Variants in PFDN2 observed in about 807,000 individuals in gnomAD.
PFDN2 encodes the protein prefoldin 2.
Under a neutral mutation model 18.3 loss-of-function variants are expected in PFDN2, and 7 were observed. The observed-to-expected ratio is 0.38, with a 90% CI of 0.22 to 0.72. PFDN2 has a LOEUF of 0.72. Among genes scored for constraint, PFDN2 ranks in the 30% least tolerant of loss-of-function variants. The pLI, the probability that PFDN2 is intolerant of heterozygous loss-of-function variation, is 0.47. For missense variants in PFDN2, 181 were observed against 199.1 expected, an observed-to-expected ratio of 0.91 and a Z score of 0.55; for synonymous variants, 76 against 75.0, an observed-to-expected ratio of 1.01 and a Z score of -0.07.
chr1:161,109,294 T>G (rs377242692), intron 1 of PFDN2, among the ~76,000 whole-genome samples: 14 of 152,354 alleles, frequency 9.2e-5, no homozygotes, highest in Middle Eastern at 6.8e-3. Flanking sequence ...GGTTTCAACT[T>G]AGATTCTTCT....
intron 1 of PFDN2, among the ~76,000 whole-genome samples, chr1:161,107,424 C>CA (rs34132641): frequency 0.018 from 1,186 of 67,694 alleles, 15 homozygotes; most frequent in Non-Finnish European, 0.021. Context: ...GACTCTGTCT[C>CA]AAAAAAAAAA....
chr1:161,104,537 T>C (rs959572796), intron 1 of PFDN2, among the ~76,000 whole-genome samples: 11 of 151,604 alleles, frequency 7.3e-5, no homozygotes, highest in African/African-American at 7.3e-5. Context: ...TCAATCTCCC[T>C]GGGCTCTAGT....
intron 1 of PFDN2, among the ~76,000 whole-genome samples, chr1:161,108,711 G>A (rs537366119): frequency 1.2e-4 from 18 of 152,242 alleles, no homozygotes; most frequent in South Asian, 8.3e-4. Context: ...ACTGCATGTC[G>A]CTAGAAAGCT....
At chr1:161,117,896 C>T in intron 1 of PFDN2, 56 bp downstream of exon 1, 1 of 1,443,338 alleles carries the variant, frequency 6.9e-7, no homozygotes, top group Non-Finnish European at 9.5e-7. Flanking sequence ...GCTCCCCCTT[C>T]TCGCTAGTAT....
In PFDN2 at chr1:161,105,707, C is replaced by T. The variant is rs558561121; in HGVS notation, c.76-3332G>A. Among the ~76,000 whole-genome samples the T allele has an allele frequency of 2.9e-4, 44 of 152,290 alleles. No individual in the cohort carries two copies. In the East Asian group the frequency reaches 8.3e-3, roughly 29 times the overall value. ...CTCCTGACCTCAGGTGATCCACCCA[C>T]CTCAGACTCCCAAAGTGCTGGGATT... On this transcript the variant is annotated intron_variant, in intron 1 of 3. Coordinates refer to ENST00000368010, the MANE Select transcript of PFDN2 (RefSeq NM_012394.4).
At chr1:161,114,781 T>A (rs1053538077) in intron 1 of PFDN2, among the ~76,000 whole-genome samples, 1 of 152,160 alleles carries the variant, frequency 6.6e-6, no homozygotes, top group Admixed American at 6.5e-5. Context: ...TGCATAAGAA[T>A]GCTCTTAGCC....
At chr1:161,100,940 T>G (rs1209647720) in intron 3 of PFDN2, 81 bp from the exon 4 acceptor site, 1 of 1,032,216 alleles carries the variant, frequency 9.7e-7, no homozygotes. Flanking sequence ...TTGGAGGAAG[T>G]GTTAACACAT....
chr1:161,104,903 C>T lies in PFDN2; in HGVS notation c.76-2528G>A, dbSNP rs373370242. Among the ~76,000 whole-genome samples, 9 of 152,338 alleles carry T rather than the reference C, an allele frequency of 5.9e-5. No homozygotes were observed. In the East Asian group the frequency reaches 7.7e-4, roughly 13 times the overall value. ...TCCTTTCTCCCATCTATCACCCCTT[C>T]ATCTCAAGCTACTTTAGCCATTCAT... On this transcript the variant is annotated intron_variant, in intron 1 of 3. Transcript: ENST00000368010.
intron 1 of PFDN2, among the ~76,000 whole-genome samples, chr1:161,104,298 A>C (rs1193264952): frequency 2.0e-5 from 3 of 152,170 alleles, no homozygotes; most frequent in African/African-American, 7.2e-5. Context: ...ATCTGACAAC[A>C]GTGGACTCAA....
At chr1:161,110,177 T>C (rs1654776384) in intron 1 of PFDN2, among the ~76,000 whole-genome samples, 1 of 151,774 alleles carries the variant, frequency 6.6e-6, no homozygotes, top group East Asian at 1.9e-4. Context: ...CTGGCCAACA[T>C]GGTGAAACCC....
intron 1 of PFDN2, among the ~76,000 whole-genome samples, chr1:161,117,415 T>C (rs1329727623): frequency 6.6e-6 from 1 of 152,178 alleles, no homozygotes; most frequent in Admixed American, 6.5e-5. Context: ...AAACTCGGAT[T>C]AGAAAGGGGT....
rs748817833 is a variant in PFDN2 at position 161,100,745 on chromosome 1, C to T, written c.403G>A (p.Ala135Thr). The T allele has an allele frequency of 6.2e-7, 1 of 1,614,156 alleles. No individual in the cohort carries two copies. ...RLMGEDEKPA[A>T]KENSEGAGAK... ...CCAGCCCCTTCTGAGTTTTCCTTGG[C>T]TGCTGGCTTCTCATCTTCTCCCATG... The change falls in exon 4 of 4, where the codon GCC (alanine) becomes ACC (threonine). Residue 135 changes from alanine (A) to threonine (T), a missense_variant. By Grantham distance (58) the Ala-to-Thr change is moderately conservative. Transcript: ENST00000368010.
rs767248289 is a variant in PFDN2, at chr1:161,117,951, C to T, written c.75+1G>A. Reference sequence around the variant, plus strand: ...CCTGCTTCGCGTTAGCCACTCCTCACCTGCTCTGCGGACACCGCCCCCTTC... The same window carrying T: ...CCTGCTTCGCGTTAGCCACTCCTCATCTGCTCTGCGGACACCGCCCCCTTC... On this transcript the variant is annotated splice_donor_variant, in intron 1 of 3. Transcript: ENST00000368010. LOFTEE classifies it high-confidence loss of function. 4 of 1,611,238 alleles carry T rather than the reference C, an allele frequency of 2.5e-6. No individual in the cohort carries two copies. The highest frequency in any genetic ancestry group is 1.3e-5 in the African/African-American group (1 of 74,864).
intron 1 of PFDN2, among the ~76,000 whole-genome samples, chr1:161,115,852 C>A (rs936918729): frequency 6.6e-6 from 1 of 152,140 alleles, no homozygotes; most frequent in Non-Finnish European, 1.5e-5. Context: ...TGGAATATGT[C>A]CCCCTCAGAT....
intron 1 of PFDN2, among the ~76,000 whole-genome samples, chr1:161,103,683 C>CAAAAAAAAAAAAAAAAAAAAAA (rs553472563): frequency 1.3e-5 from 1 of 74,914 alleles, no homozygotes; most frequent in Non-Finnish European, 2.5e-5. Flanking sequence ...GACTCCGTCT[C>CAAAAAAAAAAAAAAAAAAAAAA]AAAAAAAAAA....
intron 3 of PFDN2, 89 bp from the exon 4 acceptor site, chr1:161,100,948 C>T: frequency 1.1e-6 from 1 of 929,216 alleles, no homozygotes; most frequent in East Asian, 2.4e-5. Context: ...AGTGTTAACA[C>T]ATTTAACCTT....
At chr1:161,117,191 G>A (rs954472846) in intron 1 of PFDN2, among the ~76,000 whole-genome samples, 3 of 152,048 alleles carry the variant, frequency 2.0e-5, no homozygotes, top group Non-Finnish European at 4.4e-5. Context: ...GCGAGATCGC[G>A]CCACTGCATG....
At chr1:161,110,037 G>C (rs1435495827) in intron 1 of PFDN2, among the ~76,000 whole-genome samples, 1 of 151,922 alleles carries the variant, frequency 6.6e-6, no homozygotes, top group Non-Finnish European at 1.5e-5. Flanking sequence ...CTGGGTGACA[G>C]AGCAAGACTG....
chr1:161,100,749 T>C lies in PFDN2; in HGVS notation c.399A>G (p.Pro133=), dbSNP rs1194957024. 3 of 1,614,086 alleles carry C rather than the reference T, an allele frequency of 1.9e-6. No individual in the cohort carries two copies. Among genetic ancestry groups the C allele is most frequent in the East Asian group, 2.2e-5 (1 of 44,906 alleles). ...NIRLMGEDEK[P]AAKENSEGAG... is the part of the protein sequence containing the mutation. ...CCCCTTCTGAGTTTTCCTTGGCTGC[T>C]GGCTTCTCATCTTCTCCCATGAGAC... Residue 133 remains proline (P), a synonymous_variant, in exon 4 of 4, where the codon CCA becomes CCG. Coordinates refer to ENST00000368010, the MANE Select transcript of PFDN2 (RefSeq NM_012394.4).
Sources: allele counts gnomAD v4.1 joint callset (sites outside exome capture counted in the v4.1 genomes callset), GRCh38; gene constraint gnomAD v4.1.1; transcripts MANE v1.5; gene names NCBI Gene and HGNC (gene_info 2026-07-23, HGNC 2026-07-21).